Variants in STS observed in about 807,000 individuals in gnomAD.
STS encodes steryl-sulfatase.
In STS, 7 loss-of-function variants were observed where a neutral mutation model predicts 26.8. The observed-to-expected ratio is 0.26, with a 90% CI of 0.15 to 0.49. The LOEUF is 0.49. Ranked by LOEUF, STS falls within the 20% of genes least tolerant of loss-of-function variation. STS has a pLI of 0.98. For missense variants in STS, 434 were observed against 465.6 expected, an observed-to-expected ratio of 0.93 and a Z score of 0.63; for synonymous variants, 199 against 189.4, an observed-to-expected ratio of 1.05 and a Z score of -0.42.
intron 1 of STS, among the ~76,000 whole-genome samples, chrX:7,176,357 G>A (rs1400682444): frequency 2.7e-5 from 3 of 111,439 alleles, no homozygotes; most frequent in South Asian, 7.6e-4. Flanking sequence ...TTGGAAAACC[G>A]ACTAATACTG....
At chrX:7,188,798 A>G (rs1933819866) in intron 1 of STS, among the ~76,000 whole-genome samples, 1 of 111,619 alleles carries the variant, frequency 9.0e-6, no homozygotes, top group Non-Finnish European at 1.9e-5. Context: ...TCGCAAGGAG[A>G]GACGCCCAAT....
chrX:7,338,173 A>G (rs1453134717), intron 10 of STS, among the ~76,000 whole-genome samples: 3 of 111,858 alleles, frequency 2.7e-5, no homozygotes, highest in African/African-American at 9.7e-5. Context: ...GGTATGAAAA[A>G]TTTTGGCTTT....
chrX:7,325,030 T>G (rs1268580982), intron 8 of STS, among the ~76,000 whole-genome samples: 1 of 111,828 alleles, frequency 8.9e-6, no homozygotes, highest in Non-Finnish European at 1.9e-5. Flanking sequence ...TTGAATTCCC[T>G]GACTCCAGAG....
At chrX:7,278,189 A>G (rs1924630638) in intron 7 of STS, among the ~76,000 whole-genome samples, 1 of 112,293 alleles carries the variant, frequency 8.9e-6, no homozygotes, top group Non-Finnish European at 1.9e-5. Context: ...TAAGCATTCC[A>G]TGAATTTTTA....
chrX:7,304,985 A>G lies in STS; in HGVS notation c.944-61A>G. 4.2e-6 allele frequency: 5 copies of G among 1,186,671 alleles called. No homozygotes were observed. In the South Asian group the frequency reaches 8.9e-5, roughly 21 times the overall value. On this transcript the variant is annotated intron_variant, in intron 7 of 10. Transcript: ENST00000674429. ...AATTAGCCACCCACTGAGTAGGGCA[A>G]CCATCTCCATTTGCTTTATGAATAT...
chrX:7,170,302 G>A (rs2146997409), intron 1 of STS, among the ~76,000 whole-genome samples: 1 of 110,847 alleles, frequency 9.0e-6, no homozygotes, highest in Admixed American at 9.6e-5. Flanking sequence ...CTAGGGTGAA[G>A]TGTTCCAGAA....
intron 2 of STS, among the ~76,000 whole-genome samples, chrX:7,203,608 AAGT>A (rs1934115859): frequency 8.9e-6 from 1 of 112,014 alleles, no homozygotes; most frequent in African/African-American, 3.2e-5. Context: ...TTATAAAAGT[AAGT>A]AGAACATTTT....
rs1263671171 is a variant in STS at position 7,147,913 on chromosome X, G to A, written c.-304G>A. The A allele has an allele frequency of 7.9e-5, 33 of 419,556 alleles. No homozygotes were observed. The highest frequency in any genetic ancestry group is 1.2e-4 in the Non-Finnish European group (30 of 253,163). The allele number at this position is 419,556 out of a possible 1,213,427, so 34.6% of individuals were successfully genotyped here. A position where few individuals can be genotyped will look rare whatever the true frequency, so the allele number is the denominator to read the frequency against. Reference sequence around the variant, plus strand: ...CGCCCGACTTCGGGGCCAGCCGGGGGCAGAGCGCGCGGGAGCCCGAGCGTC... The same window carrying A: ...CGCCCGACTTCGGGGCCAGCCGGGGACAGAGCGCGCGGGAGCCCGAGCGTC... On this transcript the variant is annotated 5_prime_UTR_variant, in exon 1 of 11. Coordinates refer to ENST00000674429, the MANE Select transcript of STS (RefSeq NM_001320752.2).
intron 1 of STS, among the ~76,000 whole-genome samples, chrX:7,169,811 C>G (rs757739793): frequency 2.9e-5 from 3 of 102,957 alleles, no homozygotes; most frequent in Non-Finnish European, 1.9e-5. Flanking sequence ...GCCCTGCAGC[C>G]TGTTGGAAAA....
chrX:7,216,824 T>C (rs144062038), intron 2 of STS, among the ~76,000 whole-genome samples: 225 of 111,980 alleles, frequency 2.0e-3, no homozygotes, highest in African/African-American at 6.9e-3. Flanking sequence ...CTGTGAGTCT[T>C]TTCTCAGTCA....
chrX:7,169,567 C>T (rs772772472), intron 1 of STS, among the ~76,000 whole-genome samples: 1 of 112,006 alleles, frequency 8.9e-6, no homozygotes, highest in African/African-American at 3.2e-5. Flanking sequence ...ATTTCTGGGT[C>T]ATATGGTAAT....
chrX:7,162,823 G>T (rs1933271912), intron 1 of STS, among the ~76,000 whole-genome samples: 1 of 102,245 alleles, frequency 9.8e-6, no homozygotes, highest in South Asian at 4.8e-4. Flanking sequence ...GAGGCAGGTG[G>T]ATCACGAGGT....
In STS at chrX:7,153,471, C is replaced by T. The variant is rs111065339; in HGVS notation, c.-134+5388C>T. ...TCCTTCCCTCCCTTCCTTTCCTCCT[C>T]CTTCTCTCTTTCTGTTTTCCTTCCT... is the stretch of plus-strand genomic sequence containing the variant. On this transcript the variant is annotated intron_variant, in intron 1 of 10. Coordinates refer to ENST00000674429, the MANE Select transcript of STS (RefSeq NM_001320752.2). 7.5e-3 allele frequency among the ~76,000 whole-genome samples: 663 copies of T among 88,372 alleles called. 2 individuals are homozygous for T. Among genetic ancestry groups the T allele is most frequent in the Non-Finnish European group, 0.011 (500 of 45,060 alleles). The allele number at this position is 88,372 out of a possible 115,157, so 76.7% of individuals were successfully genotyped here.
At chrX:7,152,084 CTGG>C (rs1379324795) in intron 1 of STS, among the ~76,000 whole-genome samples, 1 of 109,726 alleles carries the variant, frequency 9.1e-6, no homozygotes, top group Non-Finnish European at 1.9e-5. Flanking sequence ...TCCCAAGTAG[CTGG>C]GACTACAGGC....
intron 1 of STS, among the ~76,000 whole-genome samples, chrX:7,169,647 C>G (rs1234675754): frequency 8.9e-6 from 1 of 112,053 alleles, no homozygotes; most frequent in Non-Finnish European, 1.9e-5. Context: ...TTAAAGTCCT[C>G]ACATTACAGA....
chrX:7,253,252 C>T lies in STS; in HGVS notation c.53C>T (p.Ala18Val). ...TTTCTGTGGGAAGCCGAGAGCCACG[C>T]AGCATCAAGGCCGAACATCATCCTG... The part of the protein sequence containing the change: ...LFFLWEAESH[A>V]ASRPNIILVM... Residue 18 changes from alanine (A) to valine (V), a missense_variant, in exon 3 of 11, where the codon GCA (alanine) becomes GTA (valine). By Grantham distance (64) the Ala-to-Val change is moderately conservative. Coordinates refer to ENST00000674429, the MANE Select transcript of STS (RefSeq NM_001320752.2). 8.3e-7 allele frequency: 1 copy of T among 1,211,420 alleles called. No individual in the cohort carries two copies. Among genetic ancestry groups the T allele is most frequent in the Non-Finnish European group, 1.1e-6 (1 of 895,199 alleles).
intron 6 of STS, among the ~76,000 whole-genome samples, chrX:7,275,174 C>T (rs976079564): frequency 1.8e-5 from 2 of 110,704 alleles, no homozygotes; most frequent in African/African-American, 6.6e-5. Context: ...ACATGTTGGT[C>T]AAAGGATAAA....
intron 2 of STS, among the ~76,000 whole-genome samples, chrX:7,251,320 G>A (rs1393918402): frequency 2.7e-5 from 3 of 112,078 alleles, no homozygotes; most frequent in African/African-American, 9.7e-5. Context: ...AAAGAGCAGT[G>A]CATTCCTGAG....
intron 1 of STS, among the ~76,000 whole-genome samples, chrX:7,180,882 C>G (rs112510408): frequency 5.3e-5 from 6 of 112,456 alleles, no homozygotes; most frequent in African/African-American, 1.9e-4. Context: ...AGTTGACAAA[C>G]TGTCCTCATA....
Sources: allele counts gnomAD v4.1 joint callset (sites outside exome capture counted in the v4.1 genomes callset), GRCh38; gene constraint gnomAD v4.1.1; transcripts MANE v1.5; gene names NCBI Gene and HGNC (gene_info 2026-07-23, HGNC 2026-07-21).